NCR3LG1: variants seen among roughly 807,000 people sequenced by gnomAD.
NCR3LG1 encodes the protein natural killer cell cytotoxicity receptor 3 ligand 1.
Under a neutral mutation model 34.8 loss-of-function variants are expected in NCR3LG1, and 35 were observed. The ratio of observed to expected loss-of-function variants is 1.01; its 90% confidence interval spans 0.77 to 1.33. The LOEUF (loss-of-function observed/expected upper bound fraction) is 1.33, where lower values mean the gene tolerates loss of function less well. NCR3LG1 is among the 40% of genes most tolerant of loss of function. NCR3LG1 has a pLI of 0.00. For missense variants in NCR3LG1, 452 were observed against 423.3 expected (o/e 1.07, Z -0.60); for synonymous variants, 173 against 163.6 (o/e 1.06, Z -0.44).
rs1038587610 is a variant in NCR3LG1 at position 17,372,510 on chromosome 11, T to G, written c.1363T>G (p.Ter455GluextTer37). 1.4e-6 allele frequency: 1 copy of G among 693,058 alleles called. No individual in the cohort carries two copies. Among genetic ancestry groups the G allele is most frequent in the Non-Finnish European group, 2.6e-6 (1 of 379,026 alleles). The allele number at this position is 693,058 out of a possible 1,614,324, so 42.9% of individuals were successfully genotyped here. Residue 455 changes from the stop codon to glutamate (E), a stop_lost, in exon 5 of 5, where the codon TAA becomes GAA. Coordinates refer to ENST00000338965, the MANE Select transcript of NCR3LG1 (RefSeq NM_001202439.3). Reference sequence around the variant, plus strand: ...CCCAACTTTACTGTTACCCCTACAGTAAATGCCTGATGGACCTGGTGCCAC... The same window carrying G: ...CCCAACTTTACTGTTACCCCTACAGGAAATGCCTGATGGACCTGGTGCCAC... ...QPPTLLLPLQ[*>E]
intron 2 of NCR3LG1, among the ~76,000 whole-genome samples, chr11:17,366,187 A>G (rs537245035): frequency 2.8e-4 from 43 of 152,268 alleles, no homozygotes; most frequent in African/African-American, 1.0e-3. Flanking sequence ...CTCTGTGATC[A>G]TCTGGGACCC....
chr11:17,358,670 T>C (rs1953237511), intron 2 of NCR3LG1, among the ~76,000 whole-genome samples: 2 of 152,192 alleles, frequency 1.3e-5, no homozygotes, highest in Admixed American at 1.3e-4. Context: ...TCTTCCTCCT[T>C]GGAGGTGGAG....
At chr11:17,363,617 G>T (rs565879754) in intron 2 of NCR3LG1, among the ~76,000 whole-genome samples, 156 of 147,744 alleles carry the variant, frequency 1.1e-3, no homozygotes, top group African/African-American at 3.4e-3. Context: ...TTGAGATGGG[G>T]TCCCACTCTG....
chr11:17,358,679 A>AC (rs1953237612), intron 2 of NCR3LG1, among the ~76,000 whole-genome samples: 1 of 152,136 alleles, frequency 6.6e-6, no homozygotes, highest in African/African-American at 2.4e-5. Flanking sequence ...TTGGAGGTGG[A>AC]GTATCTACAT....
chr11:17,369,941 A>G (rs1248933367), intron 4 of NCR3LG1, among the ~76,000 whole-genome samples: 1 of 152,222 alleles, frequency 6.6e-6, no homozygotes. Context: ...ATCAAACTGC[A>G]GATAAGGGAA....
At chr11:17,380,947 A>G (rs940485679), downstream of NCR3LG1, 9 of 152,212 alleles carry the variant, frequency 5.9e-5, no homozygotes, top group African/African-American at 1.2e-4. Flanking sequence ...TATAGCAGTT[A>G]GCCTATGGGA....
At chr11:17,352,070 G>T in intron 1 of NCR3LG1, 31 bp downstream of exon 1, 1 of 1,383,492 alleles carries the variant, frequency 7.2e-7, no homozygotes, top group Middle Eastern at 2.5e-4. Flanking sequence ...GCTGGGGCGG[G>T]GGCTCCTGGC....
intron 1 of NCR3LG1, among the ~76,000 whole-genome samples, chr11:17,353,716 A>G (rs193152735): frequency 1.2e-4 from 2 of 16,230 alleles, no homozygotes; most frequent in East Asian, 1.6e-3. Context: ...CAGTGACGGC[A>G]GCAGCAGCAG....
rs749259044 is a variant in NCR3LG1 at position 17,372,993 on chromosome 11, A to C, written c.*481A>C. On this transcript the variant is annotated 3_prime_UTR_variant, in exon 5 of 5. Transcript: ENST00000338965. ...ATCAAAAACTAGATGAAAATCCCTC[A>C]GCCTTTTTGGAAAGGCTGAGAGAGG... 2.0e-5 allele frequency: 3 copies of C among 153,802 alleles called. No individual in the cohort carries two copies. Among genetic ancestry groups the C allele is most frequent in the Non-Finnish European group, 4.3e-5 (3 of 69,208 alleles). 9.5% of individuals were successfully genotyped at this position (153,802 alleles called of 1,614,324 possible).
intron 4 of NCR3LG1, among the ~76,000 whole-genome samples, chr11:17,369,978 A>G (rs763942146): frequency 1.8e-4 from 27 of 152,208 alleles, no homozygotes; most frequent in Non-Finnish European, 3.5e-4. Context: ...TGCCTAAAAC[A>G]TGCCCACAGC....
chr11:17,362,683 CCTTCCTTCCTTTCTTTCTTTCTTT>C (rs1438886891), intron 2 of NCR3LG1, among the ~76,000 whole-genome samples: 281 of 20,944 alleles, frequency 0.013, 27 homozygotes, highest in African/African-American at 0.03. Context: ...CTCCTTCCTT[CCTTCCTTCCTTTCTTTCTTTCTTT>C]CTTTCTTTCT....
chr11:17,369,713 G>A (rs991919232), intron 4 of NCR3LG1, among the ~76,000 whole-genome samples: 5 of 152,158 alleles, frequency 3.3e-5, no homozygotes, highest in African/African-American at 7.2e-5. Flanking sequence ...TTAGATTCAC[G>A]GGACTTATTC....
intron 1 of NCR3LG1, among the ~76,000 whole-genome samples, chr11:17,354,113 G>A (rs1445302351): frequency 6.6e-6 from 1 of 152,242 alleles, no homozygotes; most frequent in Non-Finnish European, 1.5e-5. Flanking sequence ...TTTTATTTCA[G>A]AAATGAAGTT....
intron 2 of NCR3LG1, among the ~76,000 whole-genome samples, chr11:17,361,524 A>C (rs1953269239): frequency 6.6e-6 from 1 of 151,938 alleles, no homozygotes; most frequent in Admixed American, 6.5e-5. Flanking sequence ...ACCTCAAATG[A>C]TCCACCAGCT....
chr11:17,352,926 C>A (rs1953155533), intron 1 of NCR3LG1, among the ~76,000 whole-genome samples: 1 of 152,178 alleles, frequency 6.6e-6, no homozygotes, highest in Admixed American at 6.5e-5. Context: ...AATTAAACAA[C>A]AAGATGCTGC....
downstream of NCR3LG1, among the ~76,000 whole-genome samples, chr11:17,378,175 C>A (rs59134929): frequency 2.6e-5 from 4 of 151,976 alleles, no homozygotes; most frequent in East Asian, 3.9e-4. Context: ...TAGACAGGCC[C>A]TAGATATCCT....
chr11:17,378,810 C>A (rs1054351648), downstream of NCR3LG1, among the ~76,000 whole-genome samples: 1 of 152,152 alleles, frequency 6.6e-6, no homozygotes, highest in African/African-American at 2.4e-5. Flanking sequence ...AGAACTTGTA[C>A]AGGGAGGCTT....
At chr11:17,370,819 A>G (rs1474402617) in intron 4 of NCR3LG1, among the ~76,000 whole-genome samples, 4 of 152,156 alleles carry the variant, frequency 2.6e-5, no homozygotes, top group Non-Finnish European at 5.9e-5. Context: ...TTTCGCAGCT[A>G]CTATGTCTCC....
At chr11:17,378,741 G>T (rs10766392), downstream of NCR3LG1, among the ~76,000 whole-genome samples, 35,667 of 151,998 alleles carry the variant, frequency 0.23, 5,097 homozygotes, top group East Asian at 0.54. Context: ...GTGGGTCCTC[G>T]GTAAAATTCT....
Sources: gnomAD v4.1 joint callset for allele counts (sites outside exome capture counted in the v4.1 genomes callset) on GRCh38, gnomAD v4.1.1 for gene constraint, MANE v1.5 for transcripts, NCBI Gene and HGNC (gene_info 2026-07-23, HGNC 2026-07-21) for gene names.